The following TPRG1 variants were observed in gnomAD, a reference collection of about 807,000 sequenced individuals.
TPRG1 encodes tumor protein p63-regulated gene 1 protein.
Under a neutral mutation model 29.3 loss-of-function variants are expected in TPRG1, and 29 were observed. The observed-to-expected ratio is 0.99, with a 90% confidence interval of 0.74 to 1.35. The LOEUF (loss-of-function observed/expected upper bound fraction) is 1.35. TPRG1 is among the 40% of genes most tolerant of loss of function. The probability of loss-of-function intolerance (pLI) is 0.00; values close to 1 mark genes in which losing one functional copy is unlikely to be tolerated. For missense variants in TPRG1, 327 were observed against 335.0 expected (o/e 0.98, Z 0.19); for synonymous variants, 130 against 116.8 (o/e 1.11, Z -0.73).
chr3:189,039,823 T>C (rs1045043138), intron 4 of TPRG1, among the ~76,000 whole-genome samples: 1 of 140,940 alleles, frequency 7.1e-6, no homozygotes, highest in African/African-American at 2.6e-5. Context: ...ATCATTCTGA[T>C]ATCTTCTTCT....
chr3:189,044,283 G>A lies in TPRG1; in HGVS notation c.-463+20337G>A, dbSNP rs544263311. Among the ~76,000 whole-genome samples the A allele has an allele frequency of 2.2e-4, 34 of 152,236 alleles. No homozygotes were observed. In the East Asian group the frequency reaches 3.1e-3, roughly 14 times the overall value. On this transcript the variant is annotated intron_variant, in intron 4 of 10. Transcript: ENST00000433971. ...AAGAAAAAAAAATGTGGCCGGGTACGGTGGCTCACACCTGTAATCCCAGGA... is the reference window on the plus strand; with the variant it reads ...AAGAAAAAAAAATGTGGCCGGGTACAGTGGCTCACACCTGTAATCCCAGGA...
chr3:189,045,687 T>C (rs1714932708), intron 4 of TPRG1, among the ~76,000 whole-genome samples: 1 of 152,200 alleles, frequency 6.6e-6, no homozygotes. Flanking sequence ...ATATTATATA[T>C]TTTTCCTTGA....
intron 3 of TPRG1, among the ~76,000 whole-genome samples, chr3:189,222,971 A>G (rs1452132866): frequency 1.3e-5 from 2 of 152,126 alleles, no homozygotes; most frequent in African/African-American, 2.4e-5. Context: ...GCCTTTCCAT[A>G]TTGATTCAAC....
chr3:189,000,588 A>G (rs966631550), intron 1 of TPRG1, among the ~76,000 whole-genome samples: 13 of 152,034 alleles, frequency 8.6e-5, no homozygotes, highest in African/African-American at 3.1e-4. Flanking sequence ...CTCATTTTTA[A>G]TGTACAAAAT....
intron 4 of TPRG1, among the ~76,000 whole-genome samples, chr3:189,297,688 A>T (rs1720183120): frequency 6.6e-6 from 1 of 152,180 alleles, no homozygotes; most frequent in Non-Finnish European, 1.5e-5. Context: ...GAAAACCTAA[A>T]ACTTTTTACC....
At chr3:189,132,413 A>T (rs1434715000) in exon 3 of TPRG1, 1 of 152,162 alleles carries the variant, frequency 6.6e-6, no homozygotes, top group Non-Finnish European at 1.5e-5. Flanking sequence ...CGTTTGTCAA[A>T]TGTGTGCGAC....
chr3:189,282,136 T>C (rs1717248515), intron 4 of TPRG1, among the ~76,000 whole-genome samples: 1 of 150,820 alleles, frequency 6.6e-6, no homozygotes, highest in Non-Finnish European at 1.5e-5. Flanking sequence ...CCGCCTTGGC[T>C]GAGGTTTTTA....
intron 4 of TPRG1, among the ~76,000 whole-genome samples, chr3:189,024,830 T>C (rs373904662): frequency 1.2e-4 from 19 of 152,214 alleles, no homozygotes; most frequent in Non-Finnish European, 2.4e-4. Flanking sequence ...GCATCTGTGC[T>C]GTGTTTGGGG....
chr3:189,153,934 G>A (rs2108608575), intron 5 of TPRG1, among the ~76,000 whole-genome samples: 1 of 152,326 alleles, frequency 6.6e-6, no homozygotes, highest in Middle Eastern at 3.4e-3. Context: ...AATAATTGCT[G>A]GCCAGGACAG....
chr3:189,169,759 G>T (rs1196149467), upstream of TPRG1, among the ~76,000 whole-genome samples: 1 of 152,200 alleles, frequency 6.6e-6, no homozygotes, highest in Admixed American at 6.5e-5. Context: ...ACAGCCCAGG[G>T]AGGTTGGTGG....
At chr3:189,070,473 C>G (rs757462579) in intron 4 of TPRG1, among the ~76,000 whole-genome samples, 4 of 152,140 alleles carry the variant, frequency 2.6e-5, no homozygotes, top group Non-Finnish European at 4.4e-5. Flanking sequence ...ATTACGATTG[C>G]CAGTTCGTAT....
chr3:189,284,473 C>A (rs1222909638), intron 4 of TPRG1, among the ~76,000 whole-genome samples: 1 of 151,066 alleles, frequency 6.6e-6, no homozygotes, highest in Non-Finnish European at 1.5e-5. Context: ...TTTGTCCTTG[C>A]CATAGTTTGC....
intron 4 of TPRG1, among the ~76,000 whole-genome samples, chr3:189,282,833 G>C (rs1409232460): frequency 1.3e-5 from 2 of 152,194 alleles, no homozygotes; most frequent in Non-Finnish European, 2.9e-5. Flanking sequence ...GATGTGGAAG[G>C]GGGGATGGGA....
chr3:189,210,260 T>A (rs1428858692), intron 2 of TPRG1, among the ~76,000 whole-genome samples: 1 of 152,198 alleles, frequency 6.6e-6, no homozygotes, highest in East Asian at 1.9e-4. Context: ...GCATAACACA[T>A]CTATCAACAT....
intron 4 of TPRG1, among the ~76,000 whole-genome samples, chr3:189,286,540 T>G (rs1289234501): frequency 1.3e-5 from 2 of 152,096 alleles, no homozygotes; most frequent in African/African-American, 4.8e-5. Flanking sequence ...GGGGCAGATA[T>G]CTCTCTCAAG....
At chr3:189,165,043 C>A (rs965740652) in intron 5 of TPRG1, among the ~76,000 whole-genome samples, 18 of 152,138 alleles carry the variant, frequency 1.2e-4, no homozygotes, top group African/African-American at 4.3e-4. Context: ...TGCATTTTTA[C>A]CCTTATTACT....
chr3:189,282,281 G>A (rs1717291280), intron 4 of TPRG1, among the ~76,000 whole-genome samples: 1 of 146,354 alleles, frequency 6.8e-6, no homozygotes, highest in South Asian at 2.2e-4. Flanking sequence ...ATAACATGGT[G>A]TTATTTTGGG....
intron 3 of TPRG1, among the ~76,000 whole-genome samples, chr3:189,233,838 A>G (rs964365258): frequency 1.3e-5 from 2 of 152,108 alleles, no homozygotes; most frequent in Non-Finnish European, 2.9e-5. Flanking sequence ...TAGGGCCACA[A>G]CTGAAGCACT....
At chr3:189,054,275 T>C (rs1715515049) in intron 4 of TPRG1, among the ~76,000 whole-genome samples, 1 of 152,074 alleles carries the variant, frequency 6.6e-6, no homozygotes, top group Non-Finnish European at 1.5e-5. Context: ...AGTCAGAGTA[T>C]ACACATTTGT....
Sources: gnomAD v4.1 joint callset for allele counts (sites outside exome capture counted in the v4.1 genomes callset) on GRCh38, gnomAD v4.1.1 for gene constraint, MANE v1.5 for transcripts, NCBI Gene and HGNC (gene_info 2026-07-23, HGNC 2026-07-21) for gene names.